TPTE2: variants seen among roughly 807,000 people sequenced by gnomAD.
TPTE2 encodes the protein phosphatidylinositol 3,4,5-trisphosphate 3-phosphatase TPTE2.
A neutral mutation model predicts 78.6 loss-of-function variants in TPTE2; 53 were observed. The observed-to-expected ratio is 0.67, with a 90% CI of 0.54 to 0.85. TPTE2 has a LOEUF of 0.85. Ranked by LOEUF, TPTE2 falls within the 40% of genes least tolerant of loss-of-function variation. The pLI, the probability that TPTE2 is intolerant of heterozygous loss-of-function variation, is 0.00. For missense variants in TPTE2, 461 were observed against 623.0 expected, an observed-to-expected ratio of 0.74 and a Z score of 2.77; for synonymous variants, 175 against 206.2, an observed-to-expected ratio of 0.85 and a Z score of 1.30.
chr13:19,443,292 T>C (rs944902127), intron 13 of TPTE2, among the ~76,000 whole-genome samples: 19 of 150,666 alleles, frequency 1.3e-4, no homozygotes, highest in South Asian at 1.3e-3. Context: ...AAAATTATCA[T>C]CTCAAAGATT....
rs148526550 is a variant in TPTE2, at chr13:19,438,143, C to T, written c.984G>A (p.Gly328=). 3.7e-4 allele frequency: 592 copies of T among 1,608,794 alleles called. 5 individuals are homozygous for T. Among genetic ancestry groups the T allele is most frequent in the Middle Eastern group, 8.3e-4 (5 of 6,054 alleles). Residue 328 remains glycine (G), a synonymous_variant, in exon 14 of 20, where the codon GGG becomes GGA. Coordinates refer to ENST00000400230, the Ensembl canonical transcript of TPTE2. ...CAATAAGGAGGGCACAAACCATAGT[C>T]CCGGTTCTTCCTAGAAAAGAAAAGA...
intron 7 of TPTE2, among the ~76,000 whole-genome samples, 179 bp downstream of exon 10, chr13:19,467,046 A>T (rs1248292664): frequency 6.6e-6 from 1 of 152,200 alleles, no homozygotes; most frequent in East Asian, 1.9e-4. Context: ...CTGGTCCCTA[A>T]ATATCACAAT....
At chr13:19,461,581 G>A (rs7981747) in intron 10 of TPTE2, among the ~76,000 whole-genome samples, 14 of 152,050 alleles carry the variant, frequency 9.2e-5, no homozygotes, top group Admixed American at 6.6e-4. Flanking sequence ...TGATCTGTCC[G>A]GTGGTAAGAG....
At chr13:19,426,284 T>C in intron 18 of TPTE2, 141 bp downstream of exon 21, 1 of 649,448 alleles carries the variant, frequency 1.5e-6, no homozygotes, top group South Asian at 1.7e-5. Context: ...ATACGCTCTT[T>C]TAAAAAAATT....
chr13:19,499,342 A>T (rs1881606422), intron 1 of TPTE2, among the ~76,000 whole-genome samples: 1 of 152,046 alleles, frequency 6.6e-6, no homozygotes, highest in Non-Finnish European at 1.5e-5. Context: ...TCAACAGAAT[A>T]TACATTCTTC....
At chr13:19,511,349 A>C (rs564127943) in intron 1 of TPTE2, among the ~76,000 whole-genome samples, 1 of 151,744 alleles carries the variant, frequency 6.6e-6, no homozygotes, top group South Asian at 2.1e-4. Context: ...AATACCATTT[A>C]AGTAAATTTA....
At chr13:19,435,791 C>CACACACACACACAT (rs750778227) in intron 15 of TPTE2, among the ~76,000 whole-genome samples, 1 of 150,906 alleles carries the variant, frequency 6.6e-6, no homozygotes, top group Non-Finnish European at 1.5e-5. Context: ...CACACACACA[C>CACACACACACACAT]ACCAGGAGTC....
chr13:19,538,003 G>C (rs1267143062), upstream of TPTE2, among the ~76,000 whole-genome samples: 1 of 152,134 alleles, frequency 6.6e-6, no homozygotes, highest in Non-Finnish European at 1.5e-5. Context: ...TTTGGCTACA[G>C]AAGTTCTTTA....
At chr13:19,500,167 C>G (rs1423871940) in intron 1 of TPTE2, among the ~76,000 whole-genome samples, 1 of 151,464 alleles carries the variant, frequency 6.6e-6, no homozygotes, top group Non-Finnish European at 1.5e-5. Context: ...AATAGTTTAC[C>G]AACCAAAAAG....
intron 13 of TPTE2, among the ~76,000 whole-genome samples, chr13:19,449,617 C>T (rs1163367643): frequency 2.0e-5 from 3 of 152,258 alleles, no homozygotes; most frequent in African/African-American, 7.2e-5. Context: ...TGTTAATTAG[C>T]TTGATTTAGC....
chr13:19,433,942 C>T (rs1270078699), intron 15 of TPTE2, among the ~76,000 whole-genome samples: 1 of 152,206 alleles, frequency 6.6e-6, no homozygotes, highest in Non-Finnish European at 1.5e-5. Flanking sequence ...CATCTAGCAT[C>T]CCCTTAGTTT....
intron 10 of TPTE2, among the ~76,000 whole-genome samples, chr13:19,460,434 G>A (rs1182742084): frequency 1.3e-5 from 2 of 152,208 alleles, no homozygotes; most frequent in Admixed American, 6.5e-5. Context: ...AGTTGAAGGT[G>A]CTGAATTCCC....
the TPTE2 span, among the ~76,000 whole-genome samples, chr13:19,547,720 C>CATACATACATATATATATATAT: frequency 1.7e-5 from 2 of 118,848 alleles, no homozygotes; most frequent in African/African-American, 5.5e-5. Context: ...AATAAATATA[C>CATACATACATATATATATATAT]ATATATATAT....
the TPTE2 span, among the ~76,000 whole-genome samples, chr13:19,559,370 C>G: frequency 6.6e-6 from 1 of 152,206 alleles, no homozygotes; most frequent in African/African-American, 2.4e-5. Flanking sequence ...TGCCCCATGT[C>G]TCTGCGCCTC....
chr13:19,494,795 C>T (rs1481485373), intron 1 of TPTE2, among the ~76,000 whole-genome samples: 3 of 152,120 alleles, frequency 2.0e-5, no homozygotes, highest in African/African-American at 7.2e-5. Context: ...GACTAAAGGA[C>T]AAATATGGGC....
At chr13:19,498,674 G>C (rs1214989665) in intron 1 of TPTE2, among the ~76,000 whole-genome samples, 6 of 151,792 alleles carry the variant, frequency 4.0e-5, no homozygotes, top group Non-Finnish European at 8.8e-5. Context: ...GGAACAACCG[G>C]TACCAGCCAC....
At chr13:19,436,094 G>A in intron 15 of TPTE2, 132 bp downstream of exon 18, 1 of 687,140 alleles carries the variant, frequency 1.5e-6, no homozygotes. Flanking sequence ...GAGGGACCAA[G>A]GCCTGTTGCA....
intron 17 of TPTE2, among the ~76,000 whole-genome samples, chr13:19,428,649 A>G (rs1445425698): frequency 6.6e-6 from 1 of 151,760 alleles, no homozygotes; most frequent in African/African-American, 2.4e-5. Context: ...GGATTGCTTG[A>G]GCTCAGGAGG....
chr13:19,476,850 C>T (rs543714649), intron 4 of TPTE2, among the ~76,000 whole-genome samples: 2 of 152,204 alleles, frequency 1.3e-5, no homozygotes, highest in East Asian at 3.9e-4. Context: ...ACTGAGCAAT[C>T]CCATTACTGA....
Sources: allele counts gnomAD v4.1 joint callset (sites outside exome capture counted in the v4.1 genomes callset), GRCh38; gene constraint gnomAD v4.1.1; transcripts MANE v1.5; gene names NCBI Gene and HGNC (gene_info 2026-07-23, HGNC 2026-07-21).